FGD5: variants seen among roughly 807,000 people sequenced by gnomAD.
The protein encoded by FGD5 is FYVE, RhoGEF and PH domain-containing protein 5.
Under a neutral mutation model 133.4 loss-of-function variants are expected in FGD5, and 28 were observed. The observed-to-expected ratio is 0.21, with a 90% CI of 0.16 to 0.29. The LOEUF (loss-of-function observed/expected upper bound fraction) is 0.29, where lower values mean the gene tolerates loss of function less well. FGD5 is among the 10% of genes least tolerant of loss of function. The probability of loss-of-function intolerance (pLI) is 1.00; values close to 1 mark genes in which losing one functional copy is unlikely to be tolerated. For missense variants in FGD5, 1,858 were observed against 1,895.2 expected (o/e 0.98, Z 0.36); for synonymous variants, 810 against 776.5 (o/e 1.04, Z -0.72).
chr3:14,864,532 G>A (rs2037458231), intron 2 of FGD5, among the ~76,000 whole-genome samples: 1 of 152,220 alleles, frequency 6.6e-6, no homozygotes, highest in Admixed American at 6.5e-5. Flanking sequence ...GGATGATGTG[G>A]AATAGAGCTG....
chr3:14,890,472 CG>C (rs546527984), intron 4 of FGD5, among the ~76,000 whole-genome samples: 57 of 152,248 alleles, frequency 3.7e-4, no homozygotes, highest in Non-Finnish European at 7.2e-4. Flanking sequence ...GGAATGAGGA[CG>C]GGTGCCTCCT....
chr3:14,822,056 C>T (rs930605603), intron 1 of FGD5, among the ~76,000 whole-genome samples: 21 of 150,654 alleles, frequency 1.4e-4, no homozygotes, highest in Admixed American at 3.3e-4. Flanking sequence ...GCTGAGATCA[C>T]GCAACTGTAC....
At chr3:14,884,879 G>A (rs756029501) in intron 4 of FGD5, among the ~76,000 whole-genome samples, 2 of 152,048 alleles carry the variant, frequency 1.3e-5, no homozygotes, top group Admixed American at 6.6e-5. Context: ...GCAAACTCAC[G>A]ACTGCGCCTG....
At chr3:14,895,392 G>C (rs1259340051) in intron 4 of FGD5, among the ~76,000 whole-genome samples, 2 of 152,164 alleles carry the variant, frequency 1.3e-5, no homozygotes, top group Non-Finnish European at 2.9e-5. Flanking sequence ...TATAGTGATA[G>C]ATAGAGGTCT....
chr3:14,892,884 C>T (rs1031307142), intron 4 of FGD5, among the ~76,000 whole-genome samples: 1 of 152,098 alleles, frequency 6.6e-6, no homozygotes, highest in Non-Finnish European at 1.5e-5. Flanking sequence ...TGTCTTGCCC[C>T]ATAGTCCAGC....
At chr3:14,857,243 C>A (rs1305214666) in intron 1 of FGD5, among the ~76,000 whole-genome samples, 1 of 152,184 alleles carries the variant, frequency 6.6e-6, no homozygotes, top group South Asian at 2.1e-4. Flanking sequence ...TCCACCCCCC[C>A]AGGCTCAAGC....
At chr3:14,905,710 C>T (rs1453779762) in intron 9 of FGD5, among the ~76,000 whole-genome samples, 1 of 152,024 alleles carries the variant, frequency 6.6e-6, no homozygotes, top group Non-Finnish European at 1.5e-5. Flanking sequence ...TTTTACCCAC[C>T]AATCAGAGCT....
intron 1 of FGD5, among the ~76,000 whole-genome samples, chr3:14,836,633 C>A (rs1035610900): frequency 6.6e-6 from 1 of 152,134 alleles, no homozygotes; most frequent in African/African-American, 2.4e-5. Context: ...TCTGAACCCC[C>A]TCATTTACAG....
intron 18 of FGD5, among the ~76,000 whole-genome samples, chr3:14,927,949 A>AT (rs972630434): frequency 9.2e-4 from 127 of 137,532 alleles, no homozygotes; most frequent in African/African-American, 2.4e-3. Context: ...TTTTTTTTTA[A>AT]TTTTTTTTTT....
intron 1 of FGD5, among the ~76,000 whole-genome samples, chr3:14,829,250 C>T (rs577103536): frequency 8.7e-4 from 132 of 152,248 alleles, no homozygotes; most frequent in African/African-American, 3.1e-3. Context: ...CAGTTGAGAA[C>T]GCCTTGTATA....
rs376901791 is a variant in FGD5 at position 14,863,896 on chromosome 3, G to A, written c.2526-232G>A. ...TGGCAGGGGAGCCTGCCCCCTGTCT[G>A]CAGGGAAGTGAGTCTGTCTTAACGT... On this transcript the variant is annotated intron_variant, in intron 1 of 19. Coordinates refer to ENST00000285046, the MANE Select transcript of FGD5 (RefSeq NM_152536.4). Among the ~76,000 whole-genome samples, 20 of 152,318 alleles carry A rather than the reference G, an allele frequency of 1.3e-4. No individual in the cohort carries two copies. The South Asian group carries it at 3.9e-3, about 30-fold the overall frequency.
chr3:14,876,723 A>G (rs1465336061), intron 2 of FGD5, among the ~76,000 whole-genome samples: 2 of 152,200 alleles, frequency 1.3e-5, no homozygotes, highest in Non-Finnish European at 2.9e-5. Context: ...GCTCATACAG[A>G]TATGTAGTTG....
At chr3:14,836,174 A>T (rs192841019) in intron 1 of FGD5, among the ~76,000 whole-genome samples, 3 of 152,354 alleles carry the variant, frequency 2.0e-5, no homozygotes, top group African/African-American at 7.2e-5. Flanking sequence ...AGGGTGTGGC[A>T]GGCCATGACC....
At chr3:14,852,336 A>G (rs2037179146) in intron 1 of FGD5, among the ~76,000 whole-genome samples, 1 of 152,254 alleles carries the variant, frequency 6.6e-6, no homozygotes, top group South Asian at 2.1e-4. Flanking sequence ...ATCCAGACCC[A>G]AAAAGCCTCA....
Position 14,901,078 on chromosome 3 carries a change from G to A in FGD5, c.3264+17G>A, listed in dbSNP as rs748873296. ...GAGCAAGGGGTGAGTGCGGCCTGGC[G>A]GCCCCCTTCCTCAGACACAGGTTCC... On this transcript the variant is annotated intron_variant, in intron 9 of 19. Transcript: ENST00000285046. 20 of 1,613,848 alleles carry A rather than the reference G, an allele frequency of 1.2e-5. No individual in the cohort carries two copies. The highest frequency in any genetic ancestry group is 5.0e-5 in the Admixed American group (3 of 60,022).
intron 1 of FGD5, among the ~76,000 whole-genome samples, chr3:14,824,794 C>T (rs1483642185): frequency 6.6e-6 from 1 of 152,086 alleles, no homozygotes; most frequent in Non-Finnish European, 1.5e-5. Flanking sequence ...AATGGAAAAA[C>T]AGTATCAGTT....
chr3:14,815,217 C>A (rs541812411), upstream of FGD5, among the ~76,000 whole-genome samples: 1 of 152,150 alleles, frequency 6.6e-6, no homozygotes, highest in Admixed American at 6.5e-5. Context: ...TCGATCACTC[C>A]GTCCCATCTG....
In FGD5 at chr3:14,820,910, C is replaced by T. The variant is rs531212368; in HGVS notation, c.1839C>T (p.Val613=). The stretch of plus-strand genomic sequence containing the variant: ...GCACCTCCACGCCTTCTTCCATGGT[C>T]GACATCCCACCTCCTTTCGACCTGG... The part of the protein sequence containing the change: ...SSGTSTPSSM[V]DIPPPFDLAC... The change falls in exon 1 of 20, where the codon GTC becomes GTT. Residue 613 remains valine (V), a synonymous_variant. Coordinates refer to ENST00000285046, the MANE Select transcript of FGD5 (RefSeq NM_152536.4). The T allele has an allele frequency of 4.0e-5, 65 of 1,613,762 alleles. No homozygotes were observed. Among genetic ancestry groups the T allele is most frequent in the Non-Finnish European group, 4.5e-5 (53 of 1,179,852 alleles).
chr3:14,856,715 C>A (rs546684893), intron 1 of FGD5, among the ~76,000 whole-genome samples: 1 of 151,962 alleles, frequency 6.6e-6, no homozygotes, highest in Admixed American at 6.6e-5. Context: ...AGAAATGCTA[C>A]GGATTTTTAT....
Sources: allele counts gnomAD v4.1 joint callset (sites outside exome capture counted in the v4.1 genomes callset), GRCh38; gene constraint gnomAD v4.1.1; transcripts MANE v1.5; gene names NCBI Gene and HGNC (gene_info 2026-07-23, HGNC 2026-07-21).